Variants in NRXN3 observed in about 807,000 individuals in gnomAD.
NRXN3 encodes neurexin 3.
In NRXN3, 32 loss-of-function variants were observed where a neutral mutation model predicts 137.6. The ratio of observed to expected loss-of-function variants is 0.23; its 90% CI spans 0.18 to 0.31. The LOEUF (loss-of-function observed/expected upper bound fraction) is 0.31, where lower values mean the gene tolerates loss of function less well. NRXN3 is among the 10% of genes least tolerant of loss of function. NRXN3 has a pLI of 1.00. For synonymous variants in NRXN3, 798 were observed against 784.5 expected, an observed-to-expected ratio of 1.02 and a Z score of -0.29; for missense variants, 1,574 against 2,062.5, an observed-to-expected ratio of 0.76 and a Z score of 4.59.
intron 15 of NRXN3, among the ~76,000 whole-genome samples, chr14:79,433,518 A>T (rs10130216): frequency 0.59 from 89,248 of 151,326 alleles, 26,854 homozygotes; most frequent in Admixed American, 0.68. Flanking sequence ...CTAGTTTTTT[A>T]AAAAAAATAC....
In NRXN3 at chr14:78,645,238, T is replaced by G. The variant is rs762551784; in HGVS notation, c.876T>G (p.Arg292=). The change falls in exon 5 of 21, where the codon CGT becomes CGG. Residue 292 remains arginine (R), a synonymous_variant. Coordinates refer to ENST00000335750, the MANE Select transcript of NRXN3 (RefSeq NM_001330195.2). ...CCCTCTCCTTTAAGACCTGGCAGCG[T>G]AACGGCCTCATCCTGCACACGGGCA... ...EITLSFKTWQ[R]NGLILHTGKS... is the part of the protein sequence containing the mutation. The G allele has an allele frequency of 3.1e-6, 5 of 1,598,820 alleles. No homozygotes were observed. The highest frequency in any genetic ancestry group is 1.1e-5 in the South Asian group (1 of 91,042).
chr14:78,502,975 TC>T (rs2095908548), intron 4 of NRXN3, among the ~76,000 whole-genome samples: 1 of 152,200 alleles, frequency 6.6e-6, no homozygotes, highest in Non-Finnish European at 1.5e-5. Flanking sequence ...TGTTTTTGCA[TC>T]AGATGATATC....
Position 78,957,231 on chromosome 14 carries a change from A to G in NRXN3, c.2276-11A>G. The G allele has an allele frequency of 6.2e-7, 1 of 1,613,196 alleles. No homozygotes were observed. The highest frequency in any genetic ancestry group is 1.1e-5 in the South Asian group (1 of 90,864). On this transcript the variant is annotated splice_polypyrimidine_tract_variant and intron_variant, in intron 10 of 20. Coordinates refer to ENST00000335750, the MANE Select transcript of NRXN3 (RefSeq NM_001330195.2). Reference sequence around the variant, plus strand: ...ATTGATTCTAACTTTGGCACTTACTACCATCCTTAGGCAAAGGACCAGAGA... The same window carrying G: ...ATTGATTCTAACTTTGGCACTTACTGCCATCCTTAGGCAAAGGACCAGAGA...
intron 16 of NRXN3, among the ~76,000 whole-genome samples, chr14:79,518,978 A>G (rs1226031931): frequency 6.6e-6 from 1 of 152,162 alleles, no homozygotes; most frequent in African/African-American, 2.4e-5. Flanking sequence ...ATGCCACAGA[A>G]CAATTAACTT....
chr14:78,408,082 G>A (rs566436405), intron 4 of NRXN3, among the ~76,000 whole-genome samples: 15 of 152,246 alleles, frequency 9.9e-5, no homozygotes, highest in African/African-American at 3.4e-4. Flanking sequence ...AACTCACCAC[G>A]TGTCTGAAGT....
chr14:78,563,482 G>A (rs904766868), intron 4 of NRXN3, among the ~76,000 whole-genome samples: 3 of 152,186 alleles, frequency 2.0e-5, no homozygotes, highest in Admixed American at 2.0e-4. Context: ...TAAGCAGTGA[G>A]TTAGCTCTTA....
chr14:78,911,188 T>A (rs1487016975), intron 10 of NRXN3, among the ~76,000 whole-genome samples: 1 of 152,246 alleles, frequency 6.6e-6, no homozygotes, highest in East Asian at 1.9e-4. Flanking sequence ...ATAACATTTT[T>A]ATTCCCATTT....
rs569731576 is a variant in NRXN3 at position 78,322,722 on chromosome 14, A to C, written c.757+24862A>C. 2.3e-4 allele frequency among the ~76,000 whole-genome samples: 35 copies of C among 151,888 alleles called. 1 individual carries two copies. The South Asian group carries it at 6.7e-3, about 29-fold the overall frequency. The stretch of plus-strand genomic sequence containing the variant: ...CCTTGGCTAGAACCCCACCCTGCTA[A>C]TCCATGATGCTTCACTATCCCAGGT... On this transcript the variant is annotated intron_variant, in intron 4 of 20. Transcript: ENST00000335750.
rs1290955575 is a variant in NRXN3 at position 79,861,569 on chromosome 14, G to T, written c.4321G>T (p.Val1441Phe). The change falls in exon 21 of 21, where the codon GTC becomes TTC. Residue 1441 changes from valine to phenylalanine, a missense_variant. Physicochemically the swap from Val to Phe is conservative, Grantham distance 50. Coordinates refer to ENST00000335750, the MANE Select transcript of NRXN3 (RefSeq NM_001330195.2). The surrounding 1 kb of genome is among the most constrained non-coding windows in gnomAD (Gnocchi z 5.4). ...TGATCTCAAACCCCAGCCTGATATAGTCTTGCTTCCGTTGCCCACTGCCTA... is the reference window on the plus strand; with the variant it reads ...TGATCTCAAACCCCAGCCTGATATATTCTTGCTTCCGTTGCCCACTGCCTA... ...NRDLKPQPDI[V>F]LLPLPTAYEL... is the part of the protein sequence containing the mutation. The T allele has an allele frequency of 5.0e-6, 8 of 1,595,684 alleles. No homozygotes were observed. The highest frequency in any genetic ancestry group is 5.1e-6 in the Non-Finnish European group (6 of 1,171,842).
At chr14:79,257,379 G>A (rs903949489) in intron 15 of NRXN3, among the ~76,000 whole-genome samples, 93 of 99,462 alleles carry the variant, frequency 9.4e-4, no homozygotes, top group African/African-American at 2.1e-3. Context: ...GGTGGTGGTG[G>A]TGGTGGTGAT....
chr14:78,534,015 T>TCCCCATTAAGTAATGGTGCA (rs1170815141), intron 4 of NRXN3, among the ~76,000 whole-genome samples: 1 of 152,118 alleles, frequency 6.6e-6, no homozygotes, highest in Non-Finnish European at 1.5e-5. Flanking sequence ...TTCAGGCTTT[T>TCCCCATTAAGTAATGGTGCA]CCCCATTAAG....
chr14:79,258,569 CT>C (rs891251875), intron 15 of NRXN3, among the ~76,000 whole-genome samples: 3 of 152,096 alleles, frequency 2.0e-5, no homozygotes, highest in African/African-American at 7.2e-5. Flanking sequence ...TGGCTTTATT[CT>C]TTTGCTTAAT....
intron 8 of NRXN3, among the ~76,000 whole-genome samples, chr14:78,755,090 G>T (rs1267387054): frequency 6.6e-6 from 1 of 151,894 alleles, no homozygotes; most frequent in African/African-American, 2.4e-5. Flanking sequence ...GAAGTGGCAC[G>T]ATCATAGCTC....
intron 15 of NRXN3, among the ~76,000 whole-genome samples, chr14:79,110,492 T>C (rs182062883): frequency 1.3e-5 from 2 of 152,368 alleles, no homozygotes; most frequent in Admixed American, 1.3e-4. Flanking sequence ...TGTCTTTTTA[T>C]TCATTGCTTT....
intron 1 of NRXN3, among the ~76,000 whole-genome samples, chr14:78,201,444 G>A (rs548025555): frequency 1.3e-5 from 2 of 152,258 alleles, no homozygotes; most frequent in East Asian, 1.9e-4. Flanking sequence ...TCCAGATCTC[G>A]AGCTGGTGCA....
chr14:79,349,515 C>G lies in NRXN3; in HGVS notation c.3263-117706C>G. The stretch of plus-strand genomic sequence containing the variant: ...CCATGTTATGGGTTGAATTGTGTAT[C>G]TCACCTCCGTCCTCCCCGGGAAAAA... On this transcript the variant is annotated intron_variant, in intron 15 of 20. Transcript: ENST00000335750. Among the ~76,000 whole-genome samples, 2 of 148,490 alleles carry G rather than the reference C, an allele frequency of 1.3e-5. 1 individual carries two copies. Among genetic ancestry groups the G allele is most frequent in the Admixed American group, 1.3e-4 (2 of 14,822 alleles).
intron 19 of NRXN3, among the ~76,000 whole-genome samples, chr14:79,711,857 G>A (rs1246151696): frequency 6.6e-6 from 1 of 152,184 alleles, no homozygotes; most frequent in Admixed American, 6.5e-5. Context: ...GGATGATGGA[G>A]CTGGGGGGAT....
chr14:79,370,288 G>T (rs569735968), intron 15 of NRXN3, among the ~76,000 whole-genome samples: 15 of 148,358 alleles, frequency 1.0e-4, no homozygotes, highest in South Asian at 8.6e-4. Flanking sequence ...AGTTTATCGG[G>T]TTTTTTTTGT....
chr14:78,199,005 C>T (rs2061452845), intron 1 of NRXN3, among the ~76,000 whole-genome samples: 2 of 152,164 alleles, frequency 1.3e-5, no homozygotes, highest in Non-Finnish European at 2.9e-5. Flanking sequence ...GAACAGGGCT[C>T]CTGGCTCCAA....
Sources: gnomAD v4.1 joint callset for allele counts (sites outside exome capture counted in the v4.1 genomes callset) on GRCh38, gnomAD v4.1.1 for gene constraint, Gnocchi (gnomAD v3.1) non-coding constraint, MANE v1.5 for transcripts, NCBI Gene and HGNC (gene_info 2026-07-23, HGNC 2026-07-21) for gene names.